MOCS1: variants seen among roughly 807,000 people sequenced by gnomAD.
The protein encoded by MOCS1 is molybdenum cofactor biosynthesis protein 1.
Under a neutral mutation model 57.6 loss-of-function variants are expected in MOCS1, and 39 were observed. The ratio of observed to expected loss-of-function variants is 0.68; its 90% CI spans 0.52 to 0.88. The LOEUF (loss-of-function observed/expected upper bound fraction) is 0.88, where lower values mean the gene tolerates loss of function less well. MOCS1 is among the 40% of genes least tolerant of loss of function. The pLI is 0.00. For missense variants in MOCS1, 795 were observed against 831.1 expected (o/e 0.96, Z 0.53); for synonymous variants, 334 against 335.7 (o/e 1.00, Z 0.05).
rs759314838 is a variant in MOCS1 at position 39,905,233 on chromosome 6, ATCTC to A, written c.*1120_*1123del. On this transcript the variant is annotated 3_prime_UTR_variant, in exon 11 of 11. Coordinates refer to ENST00000340692, the MANE Select transcript of MOCS1 (RefSeq NM_001358530.2). ...AGCCTCTAATTAATTGCCCTCTCTG[ATCTC>A]TCTAATAGCTGGTAATGCAAGCAAT... 5.3e-5 allele frequency: 24 copies of A among 454,160 alleles called. No homozygotes were observed. The highest frequency in any genetic ancestry group is 2.3e-4 in the South Asian group (15 of 64,484). 28.1% of individuals were successfully genotyped at this position (454,160 alleles called of 1,614,324 possible).
Position 39,910,004 on chromosome 6 carries a change from C to A in MOCS1, c.982-49G>T, listed in dbSNP as rs374237288. On this transcript the variant is annotated intron_variant, in intron 8 of 10. Transcript: ENST00000340692. ...GCCTTCCTTACCCCTGAGCCTTGGCCTCCTGGCCTCTGAGGAGCTAACTCC... is the reference window on the plus strand; with the variant it reads ...GCCTTCCTTACCCCTGAGCCTTGGCATCCTGGCCTCTGAGGAGCTAACTCC... The A allele has an allele frequency of 2.3e-5, 37 of 1,607,614 alleles. No homozygotes were observed. The African/African-American group carries it at 3.7e-4, about 16-fold the overall frequency.
At chr6:39,913,705 G>T (rs1457658485) in intron 5 of MOCS1, 69 bp downstream of exon 5, 2 of 1,540,736 alleles carry the variant, frequency 1.3e-6, no homozygotes, top group African/African-American at 2.7e-5. Flanking sequence ...GTGGGCCAAG[G>T]GGCGGTGAGG....
At chr6:39,918,734 G>GAA (rs922917266) in intron 3 of MOCS1, among the ~76,000 whole-genome samples, 1 of 151,996 alleles carries the variant, frequency 6.6e-6, no homozygotes, top group African/African-American at 2.4e-5. Context: ...AGATGCAGAG[G>GAA]AAAAATGGCA....
Position 39,905,069 on chromosome 6 carries a change from G to GGTT in MOCS1, c.*1285_*1287dup. 2 of 454,232 alleles carry GGTT rather than the reference G, an allele frequency of 4.4e-6. No individual in the cohort carries two copies. Among genetic ancestry groups the GGTT allele is most frequent in the South Asian group, 3.1e-5 (2 of 64,458 alleles). 28.1% of individuals were successfully genotyped at this position (454,232 alleles called of 1,614,324 possible). On this transcript the variant is annotated 3_prime_UTR_variant, in exon 11 of 11. Coordinates refer to ENST00000340692, the MANE Select transcript of MOCS1 (RefSeq NM_001358530.2). ...CACAAATTGTCTTTTCCAGAGAGCT[G>GGTT]GTTGTTTAATATTTGCCAGCACACC...
At chr6:39,915,304 G>A (rs954619605) in intron 4 of MOCS1, among the ~76,000 whole-genome samples, 23 of 152,308 alleles carry the variant, frequency 1.5e-4, no homozygotes, top group African/African-American at 5.3e-4. Flanking sequence ...TTAAGAAAAG[G>A]AAGGAAAGAA....
chr6:39,907,609 ACTT>A (rs1767041251), intron 10 of MOCS1, among the ~76,000 whole-genome samples: 1 of 152,234 alleles, frequency 6.6e-6, no homozygotes, highest in Non-Finnish European at 1.5e-5. Flanking sequence ...TTTGTGATCT[ACTT>A]AAATGTTTTT....
intron 2 of MOCS1, among the ~76,000 whole-genome samples, chr6:39,926,823 C>A (rs999209006): frequency 6.8e-6 from 1 of 146,672 alleles, no homozygotes; most frequent in Non-Finnish European, 1.5e-5. Flanking sequence ...GTCCCTCCAG[C>A]AGTGGCTACA....
intron 1 of MOCS1, chr6:39,927,678 C>CG: frequency 1.9e-6 from 3 of 1,550,162 alleles, no homozygotes; most frequent in Non-Finnish European, 2.6e-6. Context: ...GCTTGGGGGT[C>CG]GGGGGCGGAT....
chr6:39,928,952 A>G (rs1224279817), intron 1 of MOCS1, among the ~76,000 whole-genome samples: 1 of 152,196 alleles, frequency 6.6e-6, no homozygotes, highest in African/African-American at 2.4e-5. Context: ...GGAGAACTTT[A>G]AAAAAACATT....
chr6:39,925,205 C>T lies in MOCS1; in HGVS notation c.418+473G>A, dbSNP rs113983465. On this transcript the variant is annotated intron_variant, in intron 3 of 10. Coordinates refer to ENST00000340692, the MANE Select transcript of MOCS1 (RefSeq NM_001358530.2). ...AGTGGCTGGTGTGAGTACATGAGGACGCACTTTAGACAGGATGGTTGAGGA... is the reference window on the plus strand; with the variant it reads ...AGTGGCTGGTGTGAGTACATGAGGATGCACTTTAGACAGGATGGTTGAGGA... Among the ~76,000 whole-genome samples, 274 of 151,770 alleles carry T rather than the reference C, an allele frequency of 1.8e-3. 1 individual carries two copies. Among genetic ancestry groups the T allele is most frequent in the African/African-American group, 5.8e-3 (241 of 41,342 alleles).
rs766743107 is a variant in MOCS1 at position 39,905,472 on chromosome 6, A to G, written c.*885T>C. ...ATTGATAGGTGCAGCCTTCCCTGTG[A>G]AACTGCAGCAGCTCAGTGCCCTACC... On this transcript the variant is annotated 3_prime_UTR_variant, in exon 11 of 11. Coordinates refer to ENST00000340692, the MANE Select transcript of MOCS1 (RefSeq NM_001358530.2). The G allele has an allele frequency of 4.2e-6, 2 of 471,142 alleles. No homozygotes were observed. Among genetic ancestry groups the G allele is most frequent in the South Asian group, 3.1e-5 (2 of 64,574 alleles). 29.2% of individuals were successfully genotyped at this position (471,142 alleles called of 1,614,324 possible).
chr6:39,913,499 C>T (rs778142063), intron 5 of MOCS1, 71 bp from the exon 6 acceptor site: 1 of 1,370,672 alleles, frequency 7.3e-7, no homozygotes, highest in Non-Finnish European at 1.0e-6. Flanking sequence ...CCCTTGGGGG[C>T]CTGGCACTCA....
At position 39,905,373 on chromosome 6, in the gene MOCS1, C is replaced by T. The variant is rs148926348; in HGVS notation, c.*984G>A. Reference sequence around the variant, plus strand: ...CCATAGCGGGGCTATACAGAGAGTACACCCTTAGGCCTTTCCAGGTCCCTC... The same window carrying T: ...CCATAGCGGGGCTATACAGAGAGTATACCCTTAGGCCTTTCCAGGTCCCTC... On this transcript the variant is annotated 3_prime_UTR_variant, in exon 11 of 11. Transcript: ENST00000340692. The T allele has an allele frequency of 6.5e-6, 3 of 463,368 alleles. No individual in the cohort carries two copies. Among genetic ancestry groups the T allele is most frequent in the African/African-American group, 2.0e-5 (1 of 50,202 alleles). The allele number at this position is 463,368 out of a possible 1,614,324, so 28.7% of individuals were successfully genotyped here. A position where few individuals can be genotyped will look rare whatever the true frequency, so the allele number is the denominator to read the frequency against.
At position 39,905,930 on chromosome 6, in the gene MOCS1, C is replaced by CAA. The variant is rs34063118; in HGVS notation, c.*425_*426dup. On this transcript the variant is annotated 3_prime_UTR_variant, in exon 11 of 11. Transcript: ENST00000340692. ...AGGCAAGCTTGTGCTTTGCTCTCCTCAAAGTGGGCTCCTCTGCTTAATGAG... is the reference window on the plus strand; with the variant it reads ...AGGCAAGCTTGTGCTTTGCTCTCCTCAAAAAGTGGGCTCCTCTGCTTAATGAG... 8 of 463,640 alleles carry CAA rather than the reference C, an allele frequency of 1.7e-5. No homozygotes were observed. Among genetic ancestry groups the CAA allele is most frequent in the South Asian group, 1.2e-4 (8 of 64,376 alleles). The allele number at this position is 463,640 out of a possible 1,614,324, so 28.7% of individuals were successfully genotyped here.
chr6:39,917,289 A>G (rs1246207014), intron 3 of MOCS1, among the ~76,000 whole-genome samples: 1 of 152,226 alleles, frequency 6.6e-6, no homozygotes, highest in African/African-American at 2.4e-5. Context: ...TGAGCAAAAC[A>G]GGAAAAGCCC....
At position 39,904,571 on chromosome 6, in the gene MOCS1, T is replaced by C. The variant is rs1766699640; in HGVS notation, c.*1786A>G. On this transcript the variant is annotated 3_prime_UTR_variant, in exon 11 of 11. Coordinates refer to ENST00000340692, the MANE Select transcript of MOCS1 (RefSeq NM_001358530.2). The stretch of plus-strand genomic sequence containing the variant: ...AACCTTCTCAGCAGCATTTCTCCCC[T>C]GTGATGGAAATAAAGTGTTTAGGGC... 2.2e-6 allele frequency: 1 copy of C among 445,082 alleles called. No individual in the cohort carries two copies. Among genetic ancestry groups the C allele is most frequent in the African/African-American group, 2.3e-5 (1 of 44,414 alleles). 27.6% of individuals were successfully genotyped at this position (445,082 alleles called of 1,614,324 possible). A position where few individuals can be genotyped will look rare whatever the true frequency, so the allele number is the denominator to read the frequency against.
At chr6:39,916,576 C>G (rs748697942) in intron 3 of MOCS1, among the ~76,000 whole-genome samples, 1 of 152,174 alleles carries the variant, frequency 6.6e-6, no homozygotes, top group Non-Finnish European at 1.5e-5. Flanking sequence ...GTAAGAAGAG[C>G]TGGCATTTAA....
chr6:39,906,184 A>T lies in MOCS1; in HGVS notation c.*173T>A. On this transcript the variant is annotated 3_prime_UTR_variant, in exon 11 of 11. Coordinates refer to ENST00000340692, the MANE Select transcript of MOCS1 (RefSeq NM_001358530.2). ...TAGAAAGGAAGCCCCATTGGTCATT[A>T]GAGATCATCTAGCAGCAGGCCTGTT... is the stretch of plus-strand genomic sequence containing the variant. 1.2e-6 allele frequency: 1 copy of T among 839,298 alleles called. No individual in the cohort carries two copies. The highest frequency in any genetic ancestry group is 2.0e-6 in the Non-Finnish European group (1 of 494,026). The allele number at this position is 839,298 out of a possible 1,614,324, so 52.0% of individuals were successfully genotyped here. A position where few individuals can be genotyped will look rare whatever the true frequency, so the allele number is the denominator to read the frequency against.
chr6:39,906,206 T>C lies in MOCS1; in HGVS notation c.*151A>G. On this transcript the variant is annotated 3_prime_UTR_variant, in exon 11 of 11. Coordinates refer to ENST00000340692, the MANE Select transcript of MOCS1 (RefSeq NM_001358530.2). ...ATTAGAGATCATCTAGCAGCAGGCC[T>C]GTTTGTTAGTAGTAGAGCAGGCTGA... is the stretch of plus-strand genomic sequence containing the variant. The C allele has an allele frequency of 1.1e-6, 1 of 946,698 alleles. No individual in the cohort carries two copies. The highest frequency in any genetic ancestry group is 1.7e-6 in the Non-Finnish European group (1 of 585,746). 58.6% of individuals were successfully genotyped at this position (946,698 alleles called of 1,614,324 possible).
Sources: allele counts gnomAD v4.1 joint callset (sites outside exome capture counted in the v4.1 genomes callset), GRCh38; gene constraint gnomAD v4.1.1; transcripts MANE v1.5; gene names NCBI Gene and HGNC (gene_info 2026-07-23, HGNC 2026-07-21).